ADD1: variants seen among roughly 807,000 people sequenced by gnomAD.
ADD1 encodes adducin 1, also known as alpha-adducin.
ADD1 carries 24 observed loss-of-function variants against 80.5 expected under a neutral mutation model. That is an observed-to-expected ratio of 0.30 (90% CI 0.22 to 0.42). The LOEUF (loss-of-function observed/expected upper bound fraction) is 0.42. Among genes scored for constraint, ADD1 ranks in the 10% least tolerant of loss-of-function variants. ADD1 has a pLI of 1.00. For synonymous variants in ADD1, 373 were observed against 393.8 expected, an observed-to-expected ratio of 0.95 and a Z score of 0.63; for missense variants, 948 against 1,019.0, an observed-to-expected ratio of 0.93 and a Z score of 0.95.
intron 10 of ADD1, among the ~76,000 whole-genome samples, chr4:2,906,741 C>T (rs1045595766): frequency 1.3e-5 from 2 of 152,162 alleles, no homozygotes; most frequent in South Asian, 2.1e-4. Context: ...TTTAATAAAA[C>T]GCTGGAGTTG....
intron 14 of ADD1, among the ~76,000 whole-genome samples, chr4:2,919,204 C>G (rs1739590548): frequency 6.6e-6 from 1 of 152,126 alleles, no homozygotes; most frequent in Non-Finnish European, 1.5e-5. Flanking sequence ...GGTGGATAAG[C>G]TTTTTGATGT....
intron 4 of ADD1, 67 bp downstream of exon 4, chr4:2,884,733 C>T: frequency 4.8e-6 from 7 of 1,469,730 alleles, no homozygotes; most frequent in Non-Finnish European, 6.4e-6. Context: ...CCACCTCTTT[C>T]CATTTAGGAG....
intron 1 of ADD1, among the ~76,000 whole-genome samples, chr4:2,864,277 G>A (rs1729220921): frequency 6.6e-6 from 1 of 152,200 alleles, no homozygotes; most frequent in Admixed American, 6.5e-5. Flanking sequence ...GCTGGGCGTG[G>A]TGGCGTGTGC....
intron 14 of ADD1, among the ~76,000 whole-genome samples, chr4:2,920,924 A>G (rs1271361165): frequency 1.3e-5 from 2 of 152,082 alleles, no homozygotes; most frequent in Admixed American, 6.6e-5. Context: ...CAGTTTCTTC[A>G]TAGTGTCGAT....
At position 2,904,896 on chromosome 4, in the gene ADD1, C is replaced by G; in HGVS notation, c.1294C>G (p.Pro432Ala). Residue 432 changes from proline to alanine, a missense_variant, in exon 10 of 16, where the codon CCA becomes GCA. Transcript: ENST00000683351. ...ASDGDSGTCS[P>A]LRHSFQKQQR... The stretch of plus-strand genomic sequence containing the variant: ...TGACGGTGATTCGGGCACTTGCTCC[C>G]CACTCAGACACAGTTTTCAGAAGCA... 6.2e-7 allele frequency: 1 copy of G among 1,614,148 alleles called. No homozygotes were observed. Among genetic ancestry groups the G allele is most frequent in the Non-Finnish European group, 8.5e-7 (1 of 1,180,036 alleles).
chr4:2,867,311 G>GT (rs1159140145), intron 1 of ADD1, among the ~76,000 whole-genome samples: 2 of 152,130 alleles, frequency 1.3e-5, no homozygotes, highest in Non-Finnish European at 2.9e-5. Context: ...ATGGGGAGCT[G>GT]TTTTTACTTT....
chr4:2,860,805 T>C (rs1728724743), intron 1 of ADD1, among the ~76,000 whole-genome samples: 1 of 152,212 alleles, frequency 6.6e-6, no homozygotes, highest in Non-Finnish European at 1.5e-5. Flanking sequence ...ATTTCAAATG[T>C]GGAAACTTCC....
At position 2,847,105 on chromosome 4, in the gene ADD1, C is replaced by CGA. The variant is rs770666119; in HGVS notation, c.-21+3084_-21+3085dup. 4.0e-5 allele frequency among the ~76,000 whole-genome samples: 6 copies of CGA among 151,444 alleles called. No homozygotes were observed. The East Asian group carries it at 5.8e-4, about 15-fold the overall frequency. On this transcript the variant is annotated intron_variant, in intron 1 of 15. Transcript: ENST00000683351. ...GCACTGTAGCCTGGGCGACACGGAG[C>CGA]GAGACTCCGTCTCAAAAAAACAAAA... is the stretch of plus-strand genomic sequence containing the variant.
intron 4 of ADD1, among the ~76,000 whole-genome samples, chr4:2,888,778 A>G (rs1353656580): frequency 1.3e-5 from 2 of 152,184 alleles, no homozygotes; most frequent in African/African-American, 4.8e-5. Context: ...TGGCTCAGTT[A>G]TTCAATATCA....
chr4:2,897,761 G>A (rs946713978), intron 6 of ADD1, among the ~76,000 whole-genome samples: 8 of 151,990 alleles, frequency 5.3e-5, no homozygotes, highest in Non-Finnish European at 8.8e-5. Context: ...AGGCTCAAGT[G>A]ATCCACCTGC....
At chr4:2,876,838 C>CAA (rs35435678) in intron 2 of ADD1, among the ~76,000 whole-genome samples, 45 of 128,104 alleles carry the variant, frequency 3.5e-4, no homozygotes, top group East Asian at 6.4e-4. Context: ...GACTCCGTCC[C>CAA]AAAAAAAAAA....
In ADD1 at chr4:2,926,509, C is replaced by T. The variant is rs908560985; in HGVS notation, c.2047+397C>T. 1.7e-4 allele frequency: 165 copies of T among 952,922 alleles called. No homozygotes were observed. Among genetic ancestry groups the T allele is most frequent in the Non-Finnish European group, 2.5e-4 (151 of 612,930 alleles). The allele number at this position is 952,922 out of a possible 1,614,324, so 59.0% of individuals were successfully genotyped here. Reference sequence around the variant, plus strand: ...GGTGTGTGATCCCGGGTGTCTGTCCCTCGGTCTCGTACATCCATGTCTCTC... The same window carrying T: ...GGTGTGTGATCCCGGGTGTCTGTCCTTCGGTCTCGTACATCCATGTCTCTC... On this transcript the variant is annotated intron_variant, in intron 15 of 15. Coordinates refer to ENST00000683351, the MANE Select transcript of ADD1 (RefSeq NM_001354761.2). This position sits in a 1 kb window ranked among gnomAD's most constrained non-coding sequence, Gnocchi z 5.0.
At position 2,894,665 on chromosome 4, in the gene ADD1, T is replaced by A; in HGVS notation, c.675T>A (p.Ser225=). 6.2e-7 allele frequency: 1 copy of A among 1,607,452 alleles called. No homozygotes were observed. The highest frequency in any genetic ancestry group is 2.2e-5 in the East Asian group (1 of 44,762). ...ATCAGGCCGGCTTCACCTTACACTC[T>A]GCAATTTATGCTGCACGCCCGGACG... is the stretch of plus-strand genomic sequence containing the variant. The part of the protein sequence containing the change: ...GVNQAGFTLH[S]AIYAARPDVK... Residue 225 remains serine (S), a synonymous_variant, in exon 6 of 16, where the codon TCT becomes TCA. Coordinates refer to ENST00000683351, the MANE Select transcript of ADD1 (RefSeq NM_001354761.2).
intron 1 of ADD1, among the ~76,000 whole-genome samples, chr4:2,874,326 G>T (rs1032938105): frequency 6.6e-6 from 1 of 152,170 alleles, no homozygotes; most frequent in Non-Finnish European, 1.5e-5. Context: ...CGAAGTAGTG[G>T]CTGGGGGCGG....
intron 4 of ADD1, among the ~76,000 whole-genome samples, chr4:2,893,415 C>A (rs895475326): frequency 2.6e-5 from 4 of 151,982 alleles, no homozygotes; most frequent in Non-Finnish European, 4.4e-5. Context: ...GTTTTTGAGA[C>A]CAGCCTGGCC....
intron 1 of ADD1, among the ~76,000 whole-genome samples, chr4:2,852,121 CCA>C (rs1185037795): frequency 6.6e-6 from 1 of 150,748 alleles, no homozygotes; most frequent in Non-Finnish European, 1.5e-5. Flanking sequence ...CAGGCATGAG[CCA>C]CAGCACCCGG....
intron 14 of ADD1, among the ~76,000 whole-genome samples, chr4:2,917,421 T>C (rs1008805061): frequency 2.6e-5 from 4 of 152,250 alleles, no homozygotes; most frequent in Admixed American, 2.0e-4. Context: ...TTGTAGATCG[T>C]GGATATGAGC....
At chr4:2,852,095 C>G (rs1727177800) in intron 1 of ADD1, among the ~76,000 whole-genome samples, 1 of 152,092 alleles carries the variant, frequency 6.6e-6, no homozygotes. Context: ...CTCAGCCTCC[C>G]AAAGTGCTGG....
chr4:2,899,786 G>C (rs1206049555), intron 9 of ADD1: 1 of 361,626 alleles, frequency 2.8e-6, no homozygotes, highest in African/African-American at 2.1e-5. Context: ...CGGTCAGTCA[G>C]GTATTTAGGC....
Sources: allele counts gnomAD v4.1 joint callset (sites outside exome capture counted in the v4.1 genomes callset), GRCh38; gene constraint gnomAD v4.1.1; non-coding constraint Gnocchi (gnomAD v3.1); transcripts MANE v1.5; gene names NCBI Gene and HGNC (gene_info 2026-07-23, HGNC 2026-07-21).